The following UCK2 variants were observed in gnomAD, a reference collection of about 807,000 sequenced individuals.
The protein encoded by UCK2 is uridine-cytidine kinase 2.
UCK2 carries 6 observed loss-of-function variants against 30.8 expected under a neutral mutation model. That is an observed-to-expected ratio of 0.19 (90% CI 0.11 to 0.38). The LOEUF (loss-of-function observed/expected upper bound fraction) is 0.38, where lower values mean the gene tolerates loss of function less well. Among genes scored for constraint, UCK2 ranks in the 10% least tolerant of loss-of-function variants. UCK2 has a pLI of 1.00. For missense variants in UCK2, 210 were observed against 339.8 expected (o/e 0.62, Z 3.00); for synonymous variants, 125 against 133.6 (o/e 0.94, Z 0.45).
At chr1:165,878,130 G>T (rs572730729) in intron 1 of UCK2, among the ~76,000 whole-genome samples, 6 of 152,068 alleles carry the variant, frequency 3.9e-5, no homozygotes, top group Admixed American at 2.0e-4. Flanking sequence ...CCTGTGCTCT[G>T]CCCATTCATC....
chr1:165,907,635 C>CTGCACCCA (rs1165391372), intron 6 of UCK2, 49 bp from the exon 7 acceptor site: 10 of 1,603,214 alleles, frequency 6.2e-6, no homozygotes, highest in Non-Finnish European at 7.7e-6. Flanking sequence ...ACACTCACCC[C>CTGCACCCA]TGCACCCATG....
chr1:165,885,243 G>C (rs1655589873), intron 1 of UCK2: 1 of 394,092 alleles, frequency 2.5e-6, no homozygotes, highest in African/African-American at 2.1e-5. Context: ...CCTATGGTTT[G>C]AGACTCAGCT....
chr1:165,865,306 T>G (rs542120084), intron 1 of UCK2, among the ~76,000 whole-genome samples: 15 of 152,316 alleles, frequency 9.8e-5, no homozygotes, highest in African/African-American at 3.6e-4. Flanking sequence ...CCTGCCAAAC[T>G]GGTGTGCAGA....
chr1:165,869,077 C>T (rs762001221), intron 1 of UCK2, among the ~76,000 whole-genome samples: 1 of 152,036 alleles, frequency 6.6e-6, no homozygotes, highest in African/African-American at 2.4e-5. Flanking sequence ...GTGGAATGCC[C>T]CAGTCAGTGG....
chr1:165,851,860 G>C (rs967676141), intron 1 of UCK2, among the ~76,000 whole-genome samples: 1 of 152,136 alleles, frequency 6.6e-6, no homozygotes, highest in Non-Finnish European at 1.5e-5. Flanking sequence ...TTCTGTTCCT[G>C]TGTTAGTTTG....
chr1:165,892,771 G>C (rs1655802753), intron 3 of UCK2: 1 of 152,412 alleles, frequency 6.6e-6, no homozygotes, highest in Non-Finnish European at 1.5e-5. Flanking sequence ...GGGATTCAGA[G>C]CAGGTTGTAT....
chr1:165,884,340 C>T (rs1456311663), intron 1 of UCK2, among the ~76,000 whole-genome samples: 2 of 152,220 alleles, frequency 1.3e-5, no homozygotes. Flanking sequence ...CTGAGCAGCC[C>T]TCCCTGTGAT....
intron 1 of UCK2, among the ~76,000 whole-genome samples, chr1:165,860,453 G>A (rs1274171791): frequency 1.3e-5 from 2 of 151,470 alleles, no homozygotes; most frequent in African/African-American, 4.9e-5. Context: ...TTTTGAGACA[G>A]GGTCTCACTT....
intron 1 of UCK2, among the ~76,000 whole-genome samples, chr1:165,886,113 C>A (rs966979387): frequency 2.0e-5 from 3 of 151,972 alleles, no homozygotes; most frequent in Non-Finnish European, 4.4e-5. Flanking sequence ...TTGCATAGTG[C>A]ATTTCACTTT....
rs1647797679 is a variant in UCK2 at position 165,909,997 on chromosome 1, C to T, written c.*2174C>T. 1 of 152,362 alleles carries T rather than the reference C, an allele frequency of 6.6e-6. No homozygotes were observed. Among genetic ancestry groups the T allele is most frequent in the Non-Finnish European group, 1.5e-5 (1 of 68,156 alleles). 9.4% of individuals were successfully genotyped at this position (152,362 alleles called of 1,614,324 possible). On this transcript the variant is annotated 3_prime_UTR_variant, in exon 7 of 7. Transcript: ENST00000367879. ...CTCTGAGCCTTTACCTAGCTGCTTC[C>T]TCATCTACCTGTGGTGTTGGGACCA... is the stretch of plus-strand genomic sequence containing the variant.
intron 5 of UCK2, chr1:165,903,851 G>C (rs1049743296): frequency 4.6e-5 from 7 of 153,090 alleles, no homozygotes; most frequent in African/African-American, 1.4e-4. Context: ...CTCTAGTGAG[G>C]TGGCTTTCAG....
At chr1:165,846,996 T>C (rs957873130) in intron 1 of UCK2, among the ~76,000 whole-genome samples, 2 of 152,162 alleles carry the variant, frequency 1.3e-5, no homozygotes, top group African/African-American at 4.8e-5. Context: ...CTTTGTATCA[T>C]GTAGAGTGGA....
At chr1:165,886,071 C>G (rs1454318582) in intron 1 of UCK2, among the ~76,000 whole-genome samples, 1 of 152,134 alleles carries the variant, frequency 6.6e-6, no homozygotes, top group Admixed American at 6.5e-5. Context: ...CTGGCAACCA[C>G]CATTTAACTT....
At chr1:165,905,021 G>A (rs1322886522) in intron 5 of UCK2, among the ~76,000 whole-genome samples, 1 of 152,242 alleles carries the variant, frequency 6.6e-6, no homozygotes, top group Non-Finnish European at 1.5e-5. Context: ...GGAGTGAACA[G>A]TGTCATGTTT....
chr1:165,895,783 T>A, intron 3 of UCK2: 2 of 433,566 alleles, frequency 4.6e-6, no homozygotes, highest in Non-Finnish European at 6.2e-6. Flanking sequence ...TTTCTGTTTT[T>A]AAAGTTCAGA....
intron 4 of UCK2, among the ~76,000 whole-genome samples, chr1:165,899,147 T>A (rs1647373718): frequency 6.6e-6 from 1 of 152,212 alleles, no homozygotes; most frequent in Non-Finnish European, 1.5e-5. Context: ...GCATGTGACC[T>A]CCAGATTCTG....
chr1:165,860,779 T>C (rs912785062), intron 1 of UCK2, among the ~76,000 whole-genome samples: 1 of 152,166 alleles, frequency 6.6e-6, no homozygotes. Flanking sequence ...TTATCTCATA[T>C]CTATTCGCTA....
At chr1:165,863,224 CA>C (rs1446211113) in intron 1 of UCK2, among the ~76,000 whole-genome samples, 1 of 152,128 alleles carries the variant, frequency 6.6e-6, no homozygotes, top group Non-Finnish European at 1.5e-5. Flanking sequence ...ATTAGCAAGG[CA>C]AAAGTTTGGA....
intron 1 of UCK2, among the ~76,000 whole-genome samples, chr1:165,882,422 C>T (rs1214141954): frequency 2.6e-5 from 4 of 152,158 alleles, no homozygotes; most frequent in African/African-American, 4.8e-5. Context: ...TGACAGAAAA[C>T]CTCTAAAACA....
Sources: gnomAD v4.1 joint callset for allele counts (sites outside exome capture counted in the v4.1 genomes callset) on GRCh38, gnomAD v4.1.1 for gene constraint, MANE v1.5 for transcripts, NCBI Gene and HGNC (gene_info 2026-07-23, HGNC 2026-07-21) for gene names.